Variants in DIAPH2 observed in about 807,000 individuals in gnomAD.
DIAPH2 encodes protein diaphanous homolog 2.
In DIAPH2, 35 loss-of-function variants were observed where a neutral mutation model predicts 92.7. The observed-to-expected ratio is 0.38, with a 90% CI of 0.29 to 0.50. The LOEUF (loss-of-function observed/expected upper bound fraction) is 0.50. DIAPH2 is among the 20% of genes least tolerant of loss of function. The pLI is 0.94. For synonymous variants in DIAPH2, 301 were observed against 280.4 expected, an observed-to-expected ratio of 1.07 and a Z score of -0.73; for missense variants, 701 against 819.5, an observed-to-expected ratio of 0.86 and a Z score of 1.77.
chrX:96,773,244 C>T (rs564250044), intron 4 of DIAPH2, among the ~76,000 whole-genome samples: 1 of 86,473 alleles, frequency 1.2e-5, no homozygotes, highest in Non-Finnish European at 2.3e-5. Flanking sequence ...GTTTCCCCCC[C>T]CCTCCCGCCC....
At chrX:97,298,094 ACT>A (rs2068660787) in intron 23 of DIAPH2, among the ~76,000 whole-genome samples, 2 of 109,490 alleles carry the variant, frequency 1.8e-5, no homozygotes, top group African/African-American at 6.6e-5. Context: ...CATATTTATA[ACT>A]AATGCTGTAT....
chrX:97,236,312 G>T (rs192829462), intron 22 of DIAPH2, among the ~76,000 whole-genome samples: 1 of 111,571 alleles, frequency 9.0e-6, no homozygotes, highest in East Asian at 2.8e-4. Context: ...ATTTACCCAT[G>T]ATCACAAAAA....
chrX:96,814,017 TC>T (rs2064709551), intron 4 of DIAPH2, among the ~76,000 whole-genome samples: 1 of 111,006 alleles, frequency 9.0e-6, no homozygotes, highest in African/African-American at 3.3e-5. Context: ...GTTGCTCTTC[TC>T]AAGGAGTATC....
intron 4 of DIAPH2, among the ~76,000 whole-genome samples, chrX:96,823,382 T>A (rs1262597291): frequency 9.0e-6 from 1 of 111,142 alleles, no homozygotes; most frequent in Non-Finnish European, 1.9e-5. Context: ...ATTTAAATAA[T>A]CTATATAATT....
intron 21 of DIAPH2, among the ~76,000 whole-genome samples, chrX:97,139,146 C>T (rs1420760404): frequency 9.1e-6 from 1 of 109,865 alleles, no homozygotes. Flanking sequence ...TGTCTTTAAC[C>T]AGTAGAACTG....
chrX:96,901,038 A>C (rs1214960361), intron 5 of DIAPH2, among the ~76,000 whole-genome samples: 1 of 111,706 alleles, frequency 9.0e-6, no homozygotes, highest in Non-Finnish European at 1.9e-5. Context: ...GATTGGTAAA[A>C]AATTTTTCTT....
intron 25 of DIAPH2, among the ~76,000 whole-genome samples, chrX:97,411,743 G>A (rs1228496120): frequency 2.7e-5 from 3 of 111,256 alleles, no homozygotes; most frequent in East Asian, 2.8e-4. Context: ...GAAAAGCAGG[G>A]GTTGCAATCC....
chrX:96,694,691 C>T (rs996511672), intron 1 of DIAPH2, among the ~76,000 whole-genome samples: 4 of 111,590 alleles, frequency 3.6e-5, no homozygotes, highest in African/African-American at 6.5e-5. Flanking sequence ...TCATTGCTCA[C>T]GATACAGGGC....
intron 23 of DIAPH2, among the ~76,000 whole-genome samples, chrX:97,290,868 A>T (rs191459205): frequency 4.5e-5 from 5 of 111,455 alleles, no homozygotes; most frequent in Non-Finnish European, 7.5e-5. Flanking sequence ...TGAGGTTGGG[A>T]GCTTGAGACC....
intron 26 of DIAPH2, among the ~76,000 whole-genome samples, chrX:97,527,038 A>T (rs1032705837): frequency 8.9e-6 from 1 of 111,866 alleles, no homozygotes; most frequent in Non-Finnish European, 1.9e-5. Flanking sequence ...GGACTAATTA[A>T]TGCTGGTAGG....
intron 26 of DIAPH2, among the ~76,000 whole-genome samples, chrX:97,557,611 AT>A: frequency 8.9e-6 from 1 of 112,605 alleles, no homozygotes; most frequent in Non-Finnish European, 1.9e-5. Context: ...CAATAAATGT[AT>A]TTAAGTAGTA....
intron 5 of DIAPH2, among the ~76,000 whole-genome samples, chrX:96,907,730 A>G (rs1479791535): frequency 8.9e-6 from 1 of 111,977 alleles, no homozygotes; most frequent in Non-Finnish European, 1.9e-5. Context: ...GCAGTTTTTA[A>G]ACCGTTAAAC....
chrX:97,319,481 C>T (rs1228328319), intron 23 of DIAPH2, among the ~76,000 whole-genome samples: 1 of 109,742 alleles, frequency 9.1e-6, no homozygotes, highest in Non-Finnish European at 1.9e-5. Flanking sequence ...CTCCGCCTCC[C>T]GGGTTCATGC....
intron 17 of DIAPH2, among the ~76,000 whole-genome samples, chrX:96,971,048 T>A (rs774478130): frequency 5.3e-5 from 6 of 112,228 alleles, no homozygotes; most frequent in African/African-American, 9.7e-5. Flanking sequence ...CATTTACGCT[T>A]TTGATTATGG....
intron 14 of DIAPH2, 98 bp downstream of exon 14, chrX:96,945,689 A>G: frequency 1.8e-6 from 1 of 561,790 alleles, no homozygotes; most frequent in Non-Finnish European, 2.7e-6. Context: ...TAAATGTTTC[A>G]TTTATGTAGT....
chrX:97,471,556 G>C (rs772836240), intron 26 of DIAPH2, among the ~76,000 whole-genome samples: 1 of 109,318 alleles, frequency 9.1e-6, no homozygotes, highest in East Asian at 2.9e-4. Flanking sequence ...GCCGGGCGTG[G>C]TGGTGTGCCT....
At chrX:97,582,967 G>A (rs1165378517) in intron 26 of DIAPH2, among the ~76,000 whole-genome samples, 4 of 111,041 alleles carry the variant, frequency 3.6e-5, no homozygotes, top group Admixed American at 9.5e-5. Flanking sequence ...TGATCGCATC[G>A]GCTCCTGAGG....
chrX:97,469,389 A>G (rs946796810), intron 26 of DIAPH2, among the ~76,000 whole-genome samples: 13 of 112,034 alleles, frequency 1.2e-4, no homozygotes, highest in Admixed American at 6.7e-4. Context: ...TTAACTTACA[A>G]CTTTCCAAAG....
chrX:96,770,525 A>T (rs1245111467), intron 4 of DIAPH2, among the ~76,000 whole-genome samples: 2 of 111,865 alleles, frequency 1.8e-5, no homozygotes, highest in African/African-American at 6.5e-5. Flanking sequence ...AGGGGGAGAC[A>T]AAACATTGAT....
Sources: allele counts gnomAD v4.1 joint callset (sites outside exome capture counted in the v4.1 genomes callset), GRCh38; gene constraint gnomAD v4.1.1; transcripts MANE v1.5; gene names NCBI Gene and HGNC (gene_info 2026-07-23, HGNC 2026-07-21).